Variants in RNF220 observed in about 807,000 individuals in gnomAD.
RNF220 encodes the protein ring finger protein 220.
Under a neutral mutation model 67.1 loss-of-function variants are expected in RNF220, and 7 were observed. That is an observed-to-expected ratio of 0.10 (90% confidence interval 0.06 to 0.20). RNF220 has a LOEUF of 0.20. Among genes scored for constraint, RNF220 ranks in the 10% least tolerant of loss-of-function variants. RNF220 has a pLI of 1.00. For missense variants in RNF220, 565 were observed against 740.3 expected (o/e 0.76, Z 2.75); for synonymous variants, 270 against 283.2 (o/e 0.95, Z 0.47).
rs765576094 is a variant in RNF220, at chr1:44,645,333, GTGAC to G, written c.1366+63_1366+66del. The G allele has an allele frequency of 1.2e-6, 2 of 1,613,286 alleles. No individual in the cohort carries two copies. Among genetic ancestry groups the G allele is most frequent in the Non-Finnish European group, 1.7e-6 (2 of 1,179,252 alleles). On this transcript the variant is annotated intron_variant, in intron 11 of 14. Coordinates refer to ENST00000361799, the MANE Select transcript of RNF220 (RefSeq NM_018150.4). This position sits in a 1 kb window ranked among gnomAD's most constrained non-coding sequence, Gnocchi z 5.0. ...GGAGAGGGGGTATCCCTAGATGGTG[GTGAC>G]TGACTCAAGCCCAACCCCTCACCTG...
chr1:44,435,220 T>G (rs550926520), intron 2 of RNF220, among the ~76,000 whole-genome samples: 1 of 152,264 alleles, frequency 6.6e-6, no homozygotes, highest in African/African-American at 2.4e-5. Context: ...CCAAGAACAT[T>G]GACTTTGGAG....
chr1:44,646,855 T>C (rs1270150476), intron 12 of RNF220, among the ~76,000 whole-genome samples: 1 of 152,178 alleles, frequency 6.6e-6, no homozygotes, highest in Non-Finnish European at 1.5e-5. Context: ...TCAGTCCCCG[T>C]GATTTCTCTA....
chr1:44,640,689 C>T (rs1427175871), intron 8 of RNF220, among the ~76,000 whole-genome samples: 3 of 152,194 alleles, frequency 2.0e-5, no homozygotes, highest in Non-Finnish European at 2.9e-5. Flanking sequence ...AACTGTTCAG[C>T]GAGGTGGCAG....
chr1:44,414,668 T>G (rs1648340584), intron 2 of RNF220, among the ~76,000 whole-genome samples: 2 of 152,166 alleles, frequency 1.3e-5, no homozygotes, highest in Admixed American at 1.3e-4. Context: ...AAAAATTAAA[T>G]GAGTCTGTCT....
chr1:44,496,758 C>G (rs1292302642), intron 2 of RNF220, among the ~76,000 whole-genome samples: 2 of 152,192 alleles, frequency 1.3e-5, no homozygotes, highest in African/African-American at 2.4e-5. Context: ...CCCCTCCCCC[C>G]AGCACTGAAA....
intron 2 of RNF220, among the ~76,000 whole-genome samples, chr1:44,601,712 C>G (rs949428325): frequency 6.6e-6 from 1 of 151,750 alleles, no homozygotes; most frequent in African/African-American, 2.4e-5. Context: ...GATGGCGAGG[C>G]GGCTCAAGAT....
intron 2 of RNF220, among the ~76,000 whole-genome samples, chr1:44,583,848 A>G (rs1243596945): frequency 6.6e-6 from 1 of 152,252 alleles, no homozygotes; most frequent in African/African-American, 2.4e-5. Context: ...TTCTCAGTAA[A>G]GATTTATTGA....
intron 2 of RNF220, among the ~76,000 whole-genome samples, chr1:44,464,399 G>A (rs1409627786): frequency 6.6e-6 from 1 of 152,180 alleles, no homozygotes; most frequent in Non-Finnish European, 1.5e-5. Context: ...CTTTGCATGT[G>A]CATCTTTTTC....
intron 5 of RNF220, among the ~76,000 whole-genome samples, chr1:44,629,878 G>GT (rs1227220060): frequency 6.6e-6 from 1 of 152,194 alleles, no homozygotes; most frequent in Non-Finnish European, 1.5e-5. Context: ...ACATAGAGGT[G>GT]TAACAGAATG....
intron 2 of RNF220, among the ~76,000 whole-genome samples, chr1:44,421,201 T>G (rs371632714): frequency 2.6e-5 from 4 of 152,254 alleles, no homozygotes; most frequent in African/African-American, 9.6e-5. Context: ...TTGACTCGGG[T>G]TGGATATCTA....
At chr1:44,521,743 C>T (rs1659957551) in intron 2 of RNF220, among the ~76,000 whole-genome samples, 1 of 152,194 alleles carries the variant, frequency 6.6e-6, no homozygotes, top group Non-Finnish European at 1.5e-5. Flanking sequence ...ATGACTTGAT[C>T]AATGCCCAAG....
intron 2 of RNF220, among the ~76,000 whole-genome samples, chr1:44,483,678 A>G (rs7543315): frequency 0.063 from 9,599 of 152,258 alleles, 826 homozygotes; most frequent in African/African-American, 0.19. Context: ...CTATGAGAAC[A>G]TAGCGGTGGC....
chr1:44,477,605 T>C (rs1394204685), intron 2 of RNF220, among the ~76,000 whole-genome samples: 1 of 152,224 alleles, frequency 6.6e-6, no homozygotes, highest in Admixed American at 6.5e-5. Flanking sequence ...TTACTTCTCA[T>C]GCATCTGTAG....
rs190285178 is a variant in RNF220 at position 44,488,387 on chromosome 1, C to G, written c.625+75665C>G. Reference sequence around the variant, plus strand: ...CAGGTGATCCACCCGCCTCAGCCCCCCAAAGTGCTGGGATTACAGGCGTGA... The same window carrying G: ...CAGGTGATCCACCCGCCTCAGCCCCGCAAAGTGCTGGGATTACAGGCGTGA... On this transcript the variant is annotated intron_variant, in intron 2 of 14. Transcript: ENST00000361799. Among the ~76,000 whole-genome samples, 22 of 152,336 alleles carry G rather than the reference C, an allele frequency of 1.4e-4. 1 individual carries two copies. Among genetic ancestry groups the G allele is most frequent in the African/African-American group, 4.1e-4 (17 of 41,590 alleles).
At chr1:44,485,889 G>A (rs16832004) in intron 2 of RNF220, among the ~76,000 whole-genome samples, 238 of 151,204 alleles carry the variant, frequency 1.6e-3, no homozygotes, top group African/African-American at 5.5e-3. Flanking sequence ...TAGGGGAACC[G>A]TGTTGTTACA....
At chr1:44,632,237 G>A (rs1239002693) in intron 5 of RNF220, 106 bp from the exon 6 acceptor site, 4 of 1,612,880 alleles carry the variant, frequency 2.5e-6, no homozygotes, top group African/African-American at 2.7e-5. Flanking sequence ...TGTTTGGGGC[G>A]GAGCAGCTTT....
At chr1:44,632,281 A>C (rs1216012519) in intron 5 of RNF220, 62 bp from the exon 6 acceptor site, 4 of 1,613,702 alleles carry the variant, frequency 2.5e-6, no homozygotes, top group Non-Finnish European at 3.4e-6. Flanking sequence ...GGGGGCCAGG[A>C]CTGCAGGCCG....
In RNF220 at chr1:44,607,915, G is replaced by A. The variant is rs1667394820; in HGVS notation, c.626-6250G>A. ...CCAGACCAGATGATATACTCCCCTA[G>A]TTCTGTGTACTTTTTTTTTTTTTTT... On this transcript the variant is annotated intron_variant, in intron 2 of 14. Transcript: ENST00000361799. 2.8e-5 allele frequency among the ~76,000 whole-genome samples: 4 copies of A among 142,070 alleles called. No homozygotes were observed. The South Asian group carries it at 9.0e-4, about 32-fold the overall frequency. The allele number at this position is 142,070 out of a possible 152,430, so 93.2% of individuals were successfully genotyped here.
At chr1:44,623,527 C>G (rs1481370335) in intron 4 of RNF220, among the ~76,000 whole-genome samples, 1 of 152,242 alleles carries the variant, frequency 6.6e-6, no homozygotes, top group African/African-American at 2.4e-5. Context: ...CCCTCACTCA[C>G]TGAGTATCCC....
Sources: gnomAD v4.1 joint callset for allele counts (sites outside exome capture counted in the v4.1 genomes callset) on GRCh38, gnomAD v4.1.1 for gene constraint, Gnocchi (gnomAD v3.1) non-coding constraint, MANE v1.5 for transcripts, NCBI Gene and HGNC (gene_info 2026-07-23, HGNC 2026-07-21) for gene names.